ACOT12: variants seen among roughly 807,000 people sequenced by gnomAD.
ACOT12 encodes the protein acyl-CoA thioesterase 12, also known as acetyl-coenzyme A thioesterase.
A neutral mutation model predicts 67.7 loss-of-function variants in ACOT12; 51 were observed. The ratio of observed to expected loss-of-function variants is 0.75; its 90% CI spans 0.60 to 0.95. The LOEUF (loss-of-function observed/expected upper bound fraction) is 0.95, where lower values mean the gene tolerates loss of function less well. ACOT12 is among the 40% of genes least tolerant of loss of function. The pLI is 0.00. For missense variants in ACOT12, 734 were observed against 708.1 expected (o/e 1.04, Z -0.41); for synonymous variants, 251 against 244.6 (o/e 1.03, Z -0.24).
intron 7 of ACOT12, 58 bp from the exon 8 acceptor site, chr5:81,345,099 TTGC>T: frequency 6.3e-7 from 1 of 1,584,060 alleles, no homozygotes. Flanking sequence ...CAGGCCCTCC[TTGC>T]ACACCGCTGC....
chr5:81,311,959 G>T, the ACOT12 span, among the ~76,000 whole-genome samples: 4 of 152,046 alleles, frequency 2.6e-5, no homozygotes, highest in Non-Finnish European at 5.9e-5. Flanking sequence ...TTTATTTCAC[G>T]TAGTCACAAC....
chr5:81,334,487 C>T (rs554719031), intron 12 of ACOT12, among the ~76,000 whole-genome samples: 1 of 152,206 alleles, frequency 6.6e-6, no homozygotes, highest in Non-Finnish European at 1.5e-5. Flanking sequence ...CAAGCCACAC[C>T]CTTGTCGCAG....
chr5:81,324,393 G>T, the ACOT12 span, among the ~76,000 whole-genome samples: 1 of 152,312 alleles, frequency 6.6e-6, no homozygotes, highest in East Asian at 1.9e-4. Context: ...TGGGGGAAAG[G>T]TGGCAGAATT....
At chr5:81,363,267 G>A (rs1284087376) in intron 4 of ACOT12, among the ~76,000 whole-genome samples, 2 of 152,146 alleles carry the variant, frequency 1.3e-5, no homozygotes, top group Non-Finnish European at 2.9e-5. Flanking sequence ...AGCTCATCAG[G>A]CCAAAGTATC....
chr5:81,385,813 A>G lies in ACOT12; in HGVS notation c.141T>C (p.Ala47=), dbSNP rs746549583. 1 of 1,614,042 alleles carries G rather than the reference A, an allele frequency of 6.2e-7. No homozygotes were observed. Among genetic ancestry groups the G allele is most frequent in the Admixed American group, 1.7e-5 (1 of 60,010 alleles). The change falls in exon 2 of 15, where the codon GCT becomes GCC. Residue 47 remains alanine (A), a synonymous_variant. Coordinates refer to ENST00000307624, the MANE Select transcript of ACOT12 (RefSeq NM_130767.3). ...CTGAGGCTGTAACGCAGGAAACTCC[A>G]GCATGTTTCTCAGCTTCAAAAAATA... is the stretch of plus-strand genomic sequence containing the variant. ...TTACLAAEKH[A]GVSCVTASVD... is the part of the protein sequence containing the mutation.
chr5:81,347,797 C>A lies in ACOT12; in HGVS notation c.630G>T (p.Glu210Asp). Residue 210 changes from glutamate (E) to aspartate (D), a missense_variant, in exon 6 of 15, where the codon GAG (glutamate) becomes GAT (aspartate). Transcript: ENST00000307624. ...ACCTTGCAGAAATAGTAGCCACTGT[C>A]TCCATCCACGCCATAATCTGGCCAC... ...TFGGQIMAWMETVATISASRL... is the reference protein window; with the variant it reads ...TFGGQIMAWMDTVATISASRL... The A allele has an allele frequency of 6.2e-7, 1 of 1,614,156 alleles. No individual in the cohort carries two copies. Among genetic ancestry groups the A allele is most frequent in the Non-Finnish European group, 8.5e-7 (1 of 1,180,022 alleles).
At chr5:81,349,493 G>T (rs1039415398) in intron 5 of ACOT12, among the ~76,000 whole-genome samples, 5 of 151,904 alleles carry the variant, frequency 3.3e-5, no homozygotes, top group African/African-American at 7.3e-5. Flanking sequence ...CAATCCCCCT[G>T]GCCACCATCA....
At chr5:81,387,347 C>G (rs1245087215) in intron 1 of ACOT12, among the ~76,000 whole-genome samples, 3 of 151,954 alleles carry the variant, frequency 2.0e-5, no homozygotes, top group Non-Finnish European at 2.9e-5. Context: ...TAGTCAGTAC[C>G]CTTTTAGAGC....
At chr5:81,338,635 C>T (rs1400985198) in intron 11 of ACOT12, among the ~76,000 whole-genome samples, 1 of 151,870 alleles carries the variant, frequency 6.6e-6, no homozygotes, top group Non-Finnish European at 1.5e-5. Flanking sequence ...ACTAATACGC[C>T]AACTCAAACG....
chr5:81,339,631 T>C (rs1414782209), intron 11 of ACOT12, among the ~76,000 whole-genome samples: 6 of 152,220 alleles, frequency 3.9e-5, no homozygotes, highest in African/African-American at 1.4e-4. Flanking sequence ...GAATTGCCTA[T>C]AAGAGCTGAC....
the ACOT12 span, among the ~76,000 whole-genome samples, chr5:81,310,807 G>T: frequency 6.6e-5 from 10 of 152,320 alleles, no homozygotes; most frequent in South Asian, 1.4e-3. Flanking sequence ...TTGGGCCATT[G>T]ACTGTTTGAG....
At chr5:81,312,558 G>T in the ACOT12 span, 1 of 1,613,662 alleles carries the variant, frequency 6.2e-7, no homozygotes, top group Non-Finnish European at 8.5e-7. Flanking sequence ...AATGGTCACA[G>T]TTGGTCGCTG....
At chr5:81,349,622 C>A (rs554156989) in intron 5 of ACOT12, among the ~76,000 whole-genome samples, 1 of 152,256 alleles carries the variant, frequency 6.6e-6, no homozygotes, top group South Asian at 2.1e-4. Context: ...AAGGATCTTT[C>A]TTTCATGGCT....
chr5:81,393,932 CCGCCGCTCCCGCAGCCCCGGTCCCG>C, intron 1 of ACOT12, 31 bp downstream of exon 1: 1 of 1,284,904 alleles, frequency 7.8e-7, no homozygotes. Context: ...CCCCCAGCCG[CCGCCGCTCCCGCAGCCCCGGTCCCG>C]CGCCTCCCCG....
At chr5:81,349,536 C>T (rs1759490083) in intron 5 of ACOT12, among the ~76,000 whole-genome samples, 1 of 152,070 alleles carries the variant, frequency 6.6e-6, no homozygotes, top group South Asian at 2.1e-4. Context: ...TACTCTGTGG[C>T]CCCCCCTTGG....
intron 4 of ACOT12, among the ~76,000 whole-genome samples, chr5:81,363,130 G>C (rs936547823): frequency 6.6e-6 from 1 of 151,834 alleles, no homozygotes; most frequent in Non-Finnish European, 1.5e-5. Flanking sequence ...ACAGTGTTTA[G>C]ACTAAATGGG....
chr5:81,347,751 G>C (rs780957639), intron 6 of ACOT12, 23 bp downstream of exon 6: 50 of 1,610,056 alleles, frequency 3.1e-5, no homozygotes, highest in Non-Finnish European at 4.1e-5. Flanking sequence ...CAAAATCATA[G>C]GCCGAAGGTC....
At chr5:81,341,828 A>G (rs1759202297) in intron 11 of ACOT12, among the ~76,000 whole-genome samples, 1 of 152,194 alleles carries the variant, frequency 6.6e-6, no homozygotes, top group African/African-American at 2.4e-5. Context: ...GAGAGATACA[A>G]AGAAGTCCAG....
chr5:81,315,643 G>C, the ACOT12 span, among the ~76,000 whole-genome samples: 1 of 152,316 alleles, frequency 6.6e-6, no homozygotes, highest in East Asian at 1.9e-4. Context: ...GGATAATCAA[G>C]AGGAGGCCTC....
Sources: allele counts gnomAD v4.1 joint callset (sites outside exome capture counted in the v4.1 genomes callset), GRCh38; gene constraint gnomAD v4.1.1; transcripts MANE v1.5; gene names NCBI Gene and HGNC (gene_info 2026-07-23, HGNC 2026-07-21).